Variants in LIPI observed in about 807,000 individuals in gnomAD.
LIPI encodes lipase I.
In LIPI, 59 loss-of-function variants were observed where a neutral mutation model predicts 50.6. The observed-to-expected ratio is 1.16, with a 90% CI of 0.94 to 1.45. LIPI has a LOEUF of 1.45. Among genes scored for constraint, LIPI ranks in the 40% most tolerant of loss-of-function variants. LIPI has a pLI of 0.00. For missense variants in LIPI, 586 were observed against 536.3 expected (o/e 1.09, Z -0.92); for synonymous variants, 203 against 178.2 (o/e 1.14, Z -1.11).
At chr21:14,127,678 C>T (rs897084404) in intron 9 of LIPI, among the ~76,000 whole-genome samples, 5 of 152,014 alleles carry the variant, frequency 3.3e-5, no homozygotes, top group African/African-American at 1.2e-4. Flanking sequence ...TATGGACAGA[C>T]CTGTTTGTCT....
intron 4 of LIPI, among the ~76,000 whole-genome samples, chr21:14,170,282 A>T (rs1444101633): frequency 6.6e-6 from 1 of 152,166 alleles, no homozygotes; most frequent in Non-Finnish European, 1.5e-5. Context: ...TTCTACCAGA[A>T]GTACAAGGAG....
intron 7 of LIPI, among the ~76,000 whole-genome samples, chr21:14,160,343 CAT>C (rs1157609375): frequency 6.6e-6 from 1 of 151,164 alleles, no homozygotes; most frequent in Admixed American, 6.6e-5. Flanking sequence ...TAGGTACAAA[CAT>C]ATGTCAATAA....
chr21:14,125,756 C>T (rs892218356), intron 9 of LIPI, among the ~76,000 whole-genome samples: 1 of 152,110 alleles, frequency 6.6e-6, no homozygotes, highest in African/African-American at 2.4e-5. Flanking sequence ...GACAGGTCTT[C>T]ACCATGTTAG....
At chr21:14,110,090 A>G (rs1474025896) in intron 9 of LIPI, among the ~76,000 whole-genome samples, 2 of 114,992 alleles carry the variant, frequency 1.7e-5, no homozygotes, top group Non-Finnish European at 1.9e-5. Context: ...TGAACACATT[A>G]CATTGATAAA....
chr21:14,126,226 G>A (rs2017059303), intron 9 of LIPI, among the ~76,000 whole-genome samples: 1 of 152,098 alleles, frequency 6.6e-6, no homozygotes, highest in Non-Finnish European at 1.5e-5. Context: ...GAAAACTTAT[G>A]TTTACTTAAA....
intron 7 of LIPI, 48 bp downstream of exon 7, chr21:14,163,370 CA>C (rs768168084): frequency 7.1e-5 from 63 of 891,788 alleles, no homozygotes; most frequent in South Asian, 1.2e-4. Flanking sequence ...TAGATTAGTG[CA>C]AAAAAAACTA....
intron 9 of LIPI, among the ~76,000 whole-genome samples, chr21:14,110,098 A>G (rs973839138): frequency 3.6e-5 from 4 of 111,514 alleles, no homozygotes; most frequent in African/African-American, 1.3e-4. Context: ...TTACATTGAT[A>G]AAGTATAAGA....
intron 3 of LIPI, among the ~76,000 whole-genome samples, chr21:14,184,650 T>C (rs553210067): frequency 1.2e-4 from 18 of 152,170 alleles, no homozygotes; most frequent in Non-Finnish European, 2.1e-4. Context: ...AGAACCTCCA[T>C]GTTTGGTGGC....
intron 4 of LIPI, among the ~76,000 whole-genome samples, chr21:14,178,783 A>G (rs2019176281): frequency 1.3e-5 from 2 of 152,064 alleles, no homozygotes; most frequent in African/African-American, 4.8e-5. Context: ...GTGCCTGGCT[A>G]TCTTGGATGC....
intron 4 of LIPI, among the ~76,000 whole-genome samples, chr21:14,180,713 G>C (rs138640988): frequency 6.6e-6 from 1 of 152,322 alleles, no homozygotes; most frequent in African/African-American, 2.4e-5. Context: ...ACTGCTTATA[G>C]AAGTAGGTGA....
Position 14,210,806 on chromosome 21 carries a change from T to C in LIPI, c.40A>G (p.Arg14Gly). The C allele has an allele frequency of 1.7e-6, 2 of 1,206,510 alleles. No individual in the cohort carries two copies. The highest frequency in any genetic ancestry group is 2.8e-5 in the South Asian group (2 of 72,520). 74.7% of individuals were successfully genotyped at this position (1,206,510 alleles called of 1,614,324 possible). ...TTATTAATTAATATCTTACCAGATC[T>C]CACCCAGCACATCAAACAAAGAAAA... is the stretch of plus-strand genomic sequence containing the variant. ...YIFLCLMCWV[R>G]SDNKRPCLEF... is the part of the protein sequence containing the mutation. Residue 14 changes from arginine to glycine, a missense_variant, in exon 1 of 10, where the codon AGA (arginine) becomes GGA (glycine). Transcript: ENST00000681601.
chr21:14,149,622 A>G (rs1264917483), intron 8 of LIPI, among the ~76,000 whole-genome samples: 1 of 152,216 alleles, frequency 6.6e-6, no homozygotes, highest in Non-Finnish European at 1.5e-5. Context: ...GTTACTTCCT[A>G]GATACAATGG....
At chr21:14,164,992 A>G (rs1421376288) in intron 6 of LIPI, among the ~76,000 whole-genome samples, 1 of 152,158 alleles carries the variant, frequency 6.6e-6, no homozygotes, top group Non-Finnish European at 1.5e-5. Context: ...TGCCCACTAC[A>G]CTGAACATAA....
chr21:14,149,059 G>C (rs879070330), intron 8 of LIPI, among the ~76,000 whole-genome samples: 1 of 152,146 alleles, frequency 6.6e-6, no homozygotes, highest in Non-Finnish European at 1.5e-5. Flanking sequence ...TTTAGATACT[G>C]TATTAGTCTG....
chr21:14,207,084 C>A, intron 1 of LIPI: 1 of 598,242 alleles, frequency 1.7e-6, no homozygotes, highest in Non-Finnish European at 3.0e-6. Flanking sequence ...TAAGACACAA[C>A]ACTGTAGGTA....
intron 9 of LIPI, among the ~76,000 whole-genome samples, chr21:14,125,317 A>T (rs543508681): frequency 6.6e-6 from 1 of 152,364 alleles, no homozygotes; most frequent in Non-Finnish European, 1.5e-5. Context: ...TAAAGTTCTC[A>T]TCTTCTATGT....
intron 4 of LIPI, among the ~76,000 whole-genome samples, chr21:14,177,515 G>A (rs1351729913): frequency 1.3e-5 from 2 of 151,306 alleles, no homozygotes; most frequent in Non-Finnish European, 3.0e-5. Context: ...CTCTTTTCTT[G>A]CCTTCTTTTA....
intron 4 of LIPI, among the ~76,000 whole-genome samples, chr21:14,166,869 G>A (rs577954751): frequency 2.6e-5 from 4 of 152,342 alleles, no homozygotes; most frequent in African/African-American, 9.6e-5. Context: ...GCGGAGGAAA[G>A]TGGGTGCAGC....
intron 9 of LIPI, among the ~76,000 whole-genome samples, chr21:14,123,688 T>A (rs954727551): frequency 7.2e-5 from 11 of 152,120 alleles, no homozygotes; most frequent in African/African-American, 2.7e-4. Flanking sequence ...GCCAGCTAAG[T>A]GGGCCCAAGA....
Sources: gnomAD v4.1 joint callset for allele counts (sites outside exome capture counted in the v4.1 genomes callset) on GRCh38, gnomAD v4.1.1 for gene constraint, MANE v1.5 for transcripts, NCBI Gene and HGNC (gene_info 2026-07-23, HGNC 2026-07-21) for gene names.